LHPP: variants seen among roughly 807,000 people sequenced by gnomAD.
LHPP encodes phospholysine phosphohistidine inorganic pyrophosphate phosphatase, also known as hLHPP.
A neutral mutation model predicts 30.3 loss-of-function variants in LHPP; 24 were observed. The ratio of observed to expected loss-of-function variants is 0.79; its 90% CI spans 0.57 to 1.11. The LOEUF is 1.11. Among genes scored for constraint, LHPP ranks in the 50% most tolerant of loss-of-function variants. LHPP has a pLI of 0.00. For missense variants in LHPP, 356 were observed against 367.2 expected (o/e 0.97, Z 0.25); for synonymous variants, 150 against 157.1 (o/e 0.95, Z 0.34).
rs1414048720 is a variant in LHPP, at chr10:124,541,930, G to A, written c.716+24659G>A. ...GGGAGATGCTGACATCTGGTCATTC[G>A]CAGAGTGCCCTGTGCCCACATGCTG... On this transcript the variant is annotated intron_variant, in intron 6 of 6. Transcript: ENST00000368842. This position sits in a 1 kb window ranked among gnomAD's most constrained non-coding sequence, Gnocchi z 4.2. Among the ~76,000 whole-genome samples, 7 of 152,084 alleles carry A rather than the reference G, an allele frequency of 4.6e-5. No individual in the cohort carries two copies. The highest frequency in any genetic ancestry group is 4.1e-4 in the South Asian group (2 of 4,830).
chr10:124,508,951 G>C (rs1259400037), intron 5 of LHPP, among the ~76,000 whole-genome samples: 1 of 152,060 alleles, frequency 6.6e-6, no homozygotes. Context: ...TTGGGGGTTT[G>C]GTGTGCAGAT....
chr10:124,612,275 G>A (rs1038369494), intron 6 of LHPP, among the ~76,000 whole-genome samples: 6 of 152,008 alleles, frequency 3.9e-5, no homozygotes, highest in African/African-American at 7.2e-5. Flanking sequence ...GCGTGGTGGC[G>A]GGTGCCTGTA....
chr10:124,503,446 T>C (rs1564794409), intron 5 of LHPP, among the ~76,000 whole-genome samples: 1 of 152,040 alleles, frequency 6.6e-6, no homozygotes, highest in Non-Finnish European at 1.5e-5. Context: ...CGGACACCCC[T>C]GCTCTAGAGG....
intron 6 of LHPP, among the ~76,000 whole-genome samples, chr10:124,610,090 C>T (rs1213632701): frequency 6.6e-6 from 1 of 152,142 alleles, no homozygotes; most frequent in Non-Finnish European, 1.5e-5. Context: ...TAGAAGGCCT[C>T]GTGGTGATGC....
intron 6 of LHPP, among the ~76,000 whole-genome samples, chr10:124,580,709 CTTT>C (rs778114381): frequency 1.6e-4 from 18 of 109,658 alleles, no homozygotes; most frequent in African/African-American, 5.7e-4. Context: ...AGAACATTTT[CTTT>C]TTTTTTTTCT....
At chr10:124,578,708 C>T (rs776569531) in intron 6 of LHPP, among the ~76,000 whole-genome samples, 4 of 152,188 alleles carry the variant, frequency 2.6e-5, no homozygotes, top group Non-Finnish European at 4.4e-5. Flanking sequence ...GGGCTTACAC[C>T]GCGCCACGCG....
intron 6 of LHPP, among the ~76,000 whole-genome samples, chr10:124,579,251 TGA>T (rs1444633368): frequency 8.5e-5 from 13 of 152,258 alleles, no homozygotes; most frequent in Non-Finnish European, 1.9e-4. Context: ...CTGGCCAGTC[TGA>T]GTCAGTCCTG....
intron 6 of LHPP, among the ~76,000 whole-genome samples, chr10:124,560,571 C>T (rs888347863): frequency 3.9e-5 from 6 of 152,234 alleles, no homozygotes; most frequent in Non-Finnish European, 8.8e-5. Flanking sequence ...CCTGTCAGTA[C>T]AGCAGAATTA....
rs940495356 is a variant in LHPP at position 124,530,964 on chromosome 10, G to A, written c.716+13693G>A. On this transcript the variant is annotated intron_variant, in intron 6 of 6. Coordinates refer to ENST00000368842, the MANE Select transcript of LHPP (RefSeq NM_022126.4). ...TTGTCAGAGAGAGGCCTAAGAACACGCTCTGGGCATTGGGGGCCTCCCAGT... is the reference window on the plus strand; with the variant it reads ...TTGTCAGAGAGAGGCCTAAGAACACACTCTGGGCATTGGGGGCCTCCCAGT... 1.9e-4 allele frequency among the ~76,000 whole-genome samples: 29 copies of A among 152,168 alleles called. 1 individual carries two copies. Among genetic ancestry groups the A allele is most frequent in the Admixed American group, 1.6e-3 (24 of 15,278 alleles).
At chr10:124,495,838 G>A (rs1250922512) in intron 3 of LHPP, among the ~76,000 whole-genome samples, 2 of 152,194 alleles carry the variant, frequency 1.3e-5, no homozygotes, top group Admixed American at 1.3e-4. Flanking sequence ...GCGTTATTTT[G>A]TTCAAGCTTC....
intron 2 of LHPP, among the ~76,000 whole-genome samples, chr10:124,486,959 C>T (rs1953348511): frequency 1.3e-5 from 2 of 152,244 alleles, no homozygotes; most frequent in Admixed American, 1.3e-4. Context: ...TTTGAGCAAC[C>T]TAGTCCTGCT....
At chr10:124,503,323 C>T (rs561293496) in intron 5 of LHPP, among the ~76,000 whole-genome samples, 1 of 152,152 alleles carries the variant, frequency 6.6e-6, no homozygotes, top group Admixed American at 6.5e-5. Flanking sequence ...GCCTCGGCCT[C>T]CCAAAGTGCT....
chr10:124,533,797 G>A (rs1270319238), intron 6 of LHPP, among the ~76,000 whole-genome samples: 2 of 152,234 alleles, frequency 1.3e-5, no homozygotes, highest in Non-Finnish European at 2.9e-5. Context: ...TGGCCTGAAG[G>A]GTCCCACGCT....
Position 124,593,320 on chromosome 10 carries a change from G to A in LHPP, c.717-19944G>A, listed in dbSNP as rs1451822167. 6.7e-6 allele frequency among the ~76,000 whole-genome samples: 1 copy of A among 150,204 alleles called. No individual in the cohort carries two copies. Among genetic ancestry groups the A allele is most frequent in the Non-Finnish European group, 1.5e-5 (1 of 67,214 alleles). Reference sequence around the variant, plus strand: ...AGAACCAGGCTGCGCTCTCGGGAGGGAAACAGACTCTTATCCTCTTAGGTA... The same window carrying A: ...AGAACCAGGCTGCGCTCTCGGGAGGAAAACAGACTCTTATCCTCTTAGGTA... On this transcript the variant is annotated intron_variant, in intron 6 of 6. Coordinates refer to ENST00000368842, the MANE Select transcript of LHPP (RefSeq NM_022126.4). This position sits in a 1 kb window ranked among gnomAD's most constrained non-coding sequence, Gnocchi z 4.9.
intron 6 of LHPP, among the ~76,000 whole-genome samples, chr10:124,518,245 A>C (rs535997868): frequency 1.3e-5 from 2 of 152,210 alleles, no homozygotes; most frequent in Admixed American, 1.3e-4. Flanking sequence ...CGTGTATGAC[A>C]TATGGGCCTT....
intron 6 of LHPP, among the ~76,000 whole-genome samples, chr10:124,598,963 ATC>A (rs1948988067): frequency 7.0e-6 from 1 of 143,428 alleles, no homozygotes; most frequent in Admixed American, 7.0e-5. Flanking sequence ...CCATCTATCC[ATC>A]TCTGTCCTTC....
intron 6 of LHPP, among the ~76,000 whole-genome samples, chr10:124,526,459 ACCT>A (rs1458321330): frequency 3.3e-5 from 5 of 152,108 alleles, no homozygotes; most frequent in Admixed American, 1.3e-4. Context: ...ATTCGAACCC[ACCT>A]CTGCCTGACT....
intron 5 of LHPP, among the ~76,000 whole-genome samples, chr10:124,505,328 C>T (rs1249324931): frequency 1.3e-5 from 2 of 152,022 alleles, no homozygotes; most frequent in African/African-American, 4.8e-5. Flanking sequence ...CTGCAAGGAC[C>T]TCTCTTGCTG....
chr10:124,573,502 G>A, intron 6 of LHPP, among the ~76,000 whole-genome samples: 1 of 152,110 alleles, frequency 6.6e-6, no homozygotes, highest in African/African-American at 2.4e-5. Context: ...GTAGAGACAG[G>A]GTCTCACTGT....
Sources: allele counts gnomAD v4.1 joint callset (sites outside exome capture counted in the v4.1 genomes callset), GRCh38; gene constraint gnomAD v4.1.1; non-coding constraint Gnocchi (gnomAD v3.1); transcripts MANE v1.5; gene names NCBI Gene and HGNC (gene_info 2026-07-23, HGNC 2026-07-21).